SNTG2: variants seen among roughly 807,000 people sequenced by gnomAD.
SNTG2 encodes syntrophin gamma 2.
A neutral mutation model predicts 70.9 loss-of-function variants in SNTG2; 74 were observed. That is an observed-to-expected ratio of 1.04 (90% CI 0.86 to 1.27). The LOEUF (loss-of-function observed/expected upper bound fraction) is 1.27, where lower values mean the gene tolerates loss of function less well. Among genes scored for constraint, SNTG2 ranks in the 50% most tolerant of loss-of-function variants. SNTG2 has a pLI of 0.00. For synonymous variants in SNTG2, 278 were observed against 273.8 expected, an observed-to-expected ratio of 1.02 and a Z score of -0.15; for missense variants, 717 against 690.7, an observed-to-expected ratio of 1.04 and a Z score of -0.43.
At chr2:1,336,470 CT>C (rs1659822498) in intron 16 of SNTG2, among the ~76,000 whole-genome samples, 1 of 152,232 alleles carries the variant, frequency 6.6e-6, no homozygotes, top group African/African-American at 2.4e-5. Context: ...GTTCAATGGA[CT>C]TTAATTTGTC....
intron 1 of SNTG2, among the ~76,000 whole-genome samples, chr2:981,053 G>T (rs1320972316): frequency 2.0e-5 from 3 of 152,186 alleles, no homozygotes; most frequent in Non-Finnish European, 4.4e-5. Context: ...AATCTTGGCA[G>T]GCTGTGTCCT....
At chr2:1,260,790 TAGA>T (rs1457229273) in intron 13 of SNTG2, among the ~76,000 whole-genome samples, 3 of 152,188 alleles carry the variant, frequency 2.0e-5, no homozygotes. Flanking sequence ...GAAGAATTCG[TAGA>T]AGAATTCTTG....
At chr2:1,105,795 G>T (rs1227489457) in intron 4 of SNTG2, among the ~76,000 whole-genome samples, 1 of 152,074 alleles carries the variant, frequency 6.6e-6, no homozygotes, top group East Asian at 1.9e-4. Context: ...CACATCCTGG[G>T]TCCCACAGCC....
intron 6 of SNTG2, among the ~76,000 whole-genome samples, chr2:1,145,717 T>C (rs529209524): frequency 1.3e-5 from 2 of 152,284 alleles, no homozygotes. Context: ...GCCAGCTTTA[T>C]CACAATACCA....
intron 1 of SNTG2, among the ~76,000 whole-genome samples, chr2:1,077,612 A>G (rs148210803): frequency 2.2e-4 from 34 of 152,264 alleles, no homozygotes; most frequent in African/African-American, 7.7e-4. Context: ...TTTTATTTCT[A>G]TGTAATGAAT....
intron 2 of SNTG2, among the ~76,000 whole-genome samples, chr2:1,095,568 G>A (rs544935292): frequency 6.6e-6 from 1 of 152,230 alleles, no homozygotes; most frequent in African/African-American, 2.4e-5. Flanking sequence ...TACCACAGGT[G>A]ATCAGTTTCT....
chr2:1,154,137 G>C (rs73160163), intron 6 of SNTG2, among the ~76,000 whole-genome samples: 13,361 of 152,132 alleles, frequency 0.088, 1,005 homozygotes, highest in African/African-American at 0.2. Context: ...CAGGAAGCTT[G>C]ATGGGAGCAC....
At chr2:1,162,055 C>CAG (rs1377672834) in intron 6 of SNTG2, among the ~76,000 whole-genome samples, 60 of 111,842 alleles carry the variant, frequency 5.4e-4, no homozygotes, top group East Asian at 1.7e-3. Flanking sequence ...GCCTGGGCGA[C>CAG]AGTGAGACTC....
At chr2:1,070,090 C>A (rs1663427526) in intron 1 of SNTG2, among the ~76,000 whole-genome samples, 1 of 151,934 alleles carries the variant, frequency 6.6e-6, no homozygotes. Flanking sequence ...TTTGCGAAAC[C>A]ATCGGTGCCA....
chr2:1,069,930 C>G (rs1415359171), intron 1 of SNTG2, among the ~76,000 whole-genome samples: 1 of 152,194 alleles, frequency 6.6e-6, no homozygotes. Context: ...GGGAAGCCCA[C>G]TCCTCACCGC....
At chr2:1,128,179 T>C (rs1330088703) in intron 4 of SNTG2, among the ~76,000 whole-genome samples, 1 of 149,948 alleles carries the variant, frequency 6.7e-6, no homozygotes, top group Non-Finnish European at 1.5e-5. Flanking sequence ...GCTTTTTTTT[T>C]CTGAATCTAT....
intron 1 of SNTG2, among the ~76,000 whole-genome samples, chr2:1,001,866 A>G (rs1233329150): frequency 6.6e-6 from 1 of 152,132 alleles, no homozygotes; most frequent in Non-Finnish European, 1.5e-5. Flanking sequence ...TTCAAATTAT[A>G]CTACAAGGCT....
intron 1 of SNTG2, among the ~76,000 whole-genome samples, chr2:1,013,573 T>G (rs1407562597): frequency 8.7e-4 from 2 of 2,312 alleles, no homozygotes; most frequent in African/African-American, 2.5e-3. Context: ...GGGTGGTCTG[T>G]AGAGGGATTT....
chr2:1,143,894 CA>C (rs1558451674), intron 6 of SNTG2, among the ~76,000 whole-genome samples: 7 of 144,252 alleles, frequency 4.9e-5, no homozygotes, highest in African/African-American at 1.6e-4. Flanking sequence ...AACCCCCCCC[CA>C]GAAAAAGAAA....
intron 14 of SNTG2, among the ~76,000 whole-genome samples, chr2:1,296,473 A>G (rs1442439137): frequency 6.6e-6 from 1 of 152,234 alleles, no homozygotes; most frequent in Non-Finnish European, 1.5e-5. Flanking sequence ...CCCCTTAGGC[A>G]TACATTTCAC....
intron 16 of SNTG2, among the ~76,000 whole-genome samples, chr2:1,355,018 G>A (rs1224392268): frequency 2.0e-5 from 3 of 152,306 alleles, no homozygotes; most frequent in South Asian, 2.1e-4. Context: ...GGAATGTATC[G>A]TCAGCTTGAA....
In SNTG2 at chr2:1,155,048, AC is replaced by A. The variant is rs1219257050; in HGVS notation, c.412-10499del. ...ACCACACATACCACACATACACACCACACACATAAACACAAACCACACACAC... is the reference window on the plus strand; with the variant it reads ...ACCACACATACCACACATACACACCAACACATAAACACAAACCACACACAC... On this transcript the variant is annotated intron_variant, in intron 6 of 16. Transcript: ENST00000308624. Among the ~76,000 whole-genome samples the A allele has an allele frequency of 4.0e-5, 6 of 151,690 alleles. No homozygotes were observed. In the East Asian group the frequency reaches 5.8e-4, roughly 15 times the overall value.
intron 1 of SNTG2, among the ~76,000 whole-genome samples, chr2:955,910 A>G (rs974686294): frequency 6.6e-6 from 1 of 152,176 alleles, no homozygotes; most frequent in Non-Finnish European, 1.5e-5. Context: ...AGGGAGGCCA[A>G]GGGGCCCACA....
intron 16 of SNTG2, among the ~76,000 whole-genome samples, chr2:1,364,114 G>A (rs373230313): frequency 1.6e-3 from 235 of 150,956 alleles, no homozygotes; most frequent in Middle Eastern, 6.9e-3. Flanking sequence ...GTGATTACAG[G>A]CACCTGCCAC....
Sources: allele counts gnomAD v4.1 joint callset (sites outside exome capture counted in the v4.1 genomes callset), GRCh38; gene constraint gnomAD v4.1.1; transcripts MANE v1.5; gene names NCBI Gene and HGNC (gene_info 2026-07-23, HGNC 2026-07-21).